Variants in TOGARAM2 observed in about 807,000 individuals in gnomAD.
TOGARAM2 encodes the protein TOG array regulator of axonemal microtubules protein 2.
In TOGARAM2, 85 loss-of-function variants were observed where a neutral mutation model predicts 93.3. The observed-to-expected ratio is 0.91, with a 90% CI of 0.76 to 1.09. TOGARAM2 has a LOEUF of 1.09. Among genes scored for constraint, TOGARAM2 ranks in the 50% least tolerant of loss-of-function variants. The probability of loss-of-function intolerance (pLI) is 0.00; values close to 1 mark genes in which losing one functional copy is unlikely to be tolerated. For missense variants in TOGARAM2, 1,277 were observed against 1,334.5 expected (o/e 0.96, Z 0.67); for synonymous variants, 593 against 552.8 (o/e 1.07, Z -1.02).
intron 12 of TOGARAM2, among the ~76,000 whole-genome samples, chr2:29,023,435 G>A (rs945507437): frequency 1.8e-4 from 27 of 152,268 alleles, no homozygotes; most frequent in African/African-American, 5.5e-4. Flanking sequence ...CCCATGTGTC[G>A]GCCTGCATGG....
intron 1 of TOGARAM2, among the ~76,000 whole-genome samples, chr2:28,957,264 C>T (rs977015792): frequency 6.6e-6 from 1 of 151,800 alleles, no homozygotes; most frequent in African/African-American, 2.4e-5. Flanking sequence ...GGCGTGATTT[C>T]GGCTCACTGC....
intron 12 of TOGARAM2, among the ~76,000 whole-genome samples, chr2:29,023,717 CCTT>C (rs1259589339): frequency 6.6e-6 from 1 of 152,104 alleles, no homozygotes; most frequent in African/African-American, 2.4e-5. Flanking sequence ...GGAGCATCTG[CCTT>C]CCTGCATGTG....
chr2:29,013,383 A>G (rs1664364293), intron 7 of TOGARAM2, among the ~76,000 whole-genome samples: 1 of 152,208 alleles, frequency 6.6e-6, no homozygotes, highest in Non-Finnish European at 1.5e-5. Context: ...TTTATTAGGG[A>G]GAATTGGCTC....
intron 11 of TOGARAM2, 101 bp from the exon 12 acceptor site, chr2:29,022,985 G>A (rs1558444524): frequency 5.3e-6 from 5 of 939,026 alleles, no homozygotes; most frequent in Non-Finnish European, 8.2e-6. Context: ...TGCGGGTGAC[G>A]GTGGACCGTG....
intron 19 of TOGARAM2, chr2:29,050,774 T>C (rs1222594141): frequency 1.3e-5 from 2 of 152,272 alleles, no homozygotes; most frequent in South Asian, 2.1e-4. Flanking sequence ...ATAGTGCTAA[T>C]GCGCTTAGGA....
Position 29,003,571 on chromosome 2 carries a change from TCC to T in TOGARAM2, c.721_722del (p.Pro241LysfsTer87). ...CTGGGCGCCATCGTGATCCCACCCA[TCC>T]CAAAGGCCAGGACGGTTGCAGCGAC... is the stretch of plus-strand genomic sequence containing the variant. On this transcript the variant is annotated frameshift_variant, in exon 6 of 20. Coordinates refer to ENST00000379558, the MANE Select transcript of TOGARAM2 (RefSeq NM_199280.4). LOFTEE classifies it high-confidence loss of function. The T allele has an allele frequency of 1.3e-6, 2 of 1,595,904 alleles. No individual in the cohort carries two copies. The highest frequency in any genetic ancestry group is 1.7e-6 in the Non-Finnish European group (2 of 1,172,118).
chr2:29,031,089 A>G (rs112934053), intron 14 of TOGARAM2, among the ~76,000 whole-genome samples: 3,897 of 152,342 alleles, frequency 0.026, 192 homozygotes, highest in African/African-American at 0.088. Context: ...ATTGGCATGT[A>G]TCTTACAATG....
intron 6 of TOGARAM2, among the ~76,000 whole-genome samples, chr2:29,011,101 T>C (rs11684304): frequency 0.39 from 59,666 of 152,104 alleles, 13,021 homozygotes; most frequent in African/African-American, 0.59. Flanking sequence ...TTACCCTTGT[T>C]TACTGCAGCT....
rs1558406611 is a variant in TOGARAM2, at chr2:28,991,033, TGTG to T, written c.-110-3691_-110-3689del. On this transcript the variant is annotated intron_variant, in intron 1 of 19. Coordinates refer to ENST00000379558, the MANE Select transcript of TOGARAM2 (RefSeq NM_199280.4). ...GTGTGTGTGTGTGTGTGTGTGTGTG[TGTG>T]TGTGGCTTTTCCCCAGGGAAAAAGA... 4.3e-3 allele frequency among the ~76,000 whole-genome samples: 583 copies of T among 134,760 alleles called. 3 individuals are homozygous for T. Among genetic ancestry groups the T allele is most frequent in the African/African-American group, 0.014 (480 of 33,612 alleles). The allele number at this position is 134,760 out of a possible 152,430, so 88.4% of individuals were successfully genotyped here.
At chr2:29,030,404 A>T (rs1665694948) in intron 14 of TOGARAM2, among the ~76,000 whole-genome samples, 2 of 152,186 alleles carry the variant, frequency 1.3e-5, no homozygotes, top group Admixed American at 6.5e-5. Flanking sequence ...TTCTTTGTGT[A>T]GCATCTACTA....
chr2:29,006,068 T>A (rs981239902), intron 6 of TOGARAM2, among the ~76,000 whole-genome samples: 1 of 129,344 alleles, frequency 7.7e-6, no homozygotes, highest in South Asian at 2.7e-4. Context: ...TGTATGTGTA[T>A]GTGTGAGAGC....
intron 13 of TOGARAM2, among the ~76,000 whole-genome samples, chr2:29,025,642 AG>A: frequency 6.6e-6 from 1 of 152,122 alleles, no homozygotes; most frequent in Non-Finnish European, 1.5e-5. Flanking sequence ...CTGAGTAGGG[AG>A]AGTTCTGATG....
intron 10 of TOGARAM2, among the ~76,000 whole-genome samples, chr2:29,018,768 T>TA (rs1664753568): frequency 6.6e-6 from 1 of 152,164 alleles, no homozygotes; most frequent in Non-Finnish European, 1.5e-5. Context: ...GAAAAGAGGT[T>TA]TAATTGGTTC....
At chr2:29,009,799 C>T (rs1664111908) in intron 6 of TOGARAM2, among the ~76,000 whole-genome samples, 1 of 151,858 alleles carries the variant, frequency 6.6e-6, no homozygotes, top group Non-Finnish European at 1.5e-5. Context: ...CTCCTTGGGG[C>T]CTGCGGAGGA....
chr2:28,998,018 T>G, intron 2 of TOGARAM2, 125 bp from the exon 3 acceptor site: 1 of 581,364 alleles, frequency 1.7e-6, no homozygotes, highest in Non-Finnish European at 3.0e-6. Flanking sequence ...CCACATGCCT[T>G]GGTTTTTTGG....
intron 4 of TOGARAM2, among the ~76,000 whole-genome samples, chr2:28,999,964 G>A (rs540947129): frequency 1.3e-4 from 19 of 141,000 alleles, no homozygotes; most frequent in Admixed American, 3.7e-4. Flanking sequence ...CCCCTCCTCC[G>A]TTTCCCACTC....
At chr2:29,006,737 G>A (rs7560804) in intron 6 of TOGARAM2, among the ~76,000 whole-genome samples, 112,102 of 151,904 alleles carry the variant, frequency 0.74, 42,857 homozygotes, top group Non-Finnish European at 0.85. Flanking sequence ...TCCTGGATTC[G>A]AGTTCTCTAT....
chr2:29,000,906 A>G (rs1032445616), intron 4 of TOGARAM2, among the ~76,000 whole-genome samples: 1 of 151,770 alleles, frequency 6.6e-6, no homozygotes, highest in African/African-American at 2.4e-5. Flanking sequence ...CAGACCAACA[A>G]CTCTCTCCCT....
In TOGARAM2 at chr2:28,992,476, A is replaced by G. The variant is rs543814540; in HGVS notation, c.-110-2249A>G. 5.3e-5 allele frequency among the ~76,000 whole-genome samples: 8 copies of G among 152,096 alleles called. No homozygotes were observed. In the South Asian group the frequency reaches 6.2e-4, roughly 12 times the overall value. On this transcript the variant is annotated intron_variant, in intron 1 of 19. Coordinates refer to ENST00000379558, the MANE Select transcript of TOGARAM2 (RefSeq NM_199280.4). Reference sequence around the variant, plus strand: ...TGCTGGTGTCCTGGGACCAGGGGGAACCTGGGCTGCCTTGGCATGTTGACC... The same window carrying G: ...TGCTGGTGTCCTGGGACCAGGGGGAGCCTGGGCTGCCTTGGCATGTTGACC...
Sources: gnomAD v4.1 joint callset for allele counts (sites outside exome capture counted in the v4.1 genomes callset) on GRCh38, gnomAD v4.1.1 for gene constraint, MANE v1.5 for transcripts, NCBI Gene and HGNC (gene_info 2026-07-23, HGNC 2026-07-21) for gene names.